Variants in ANO1 observed in about 807,000 individuals in gnomAD.
ANO1 encodes the protein anoctamin-1.
In ANO1, 59 loss-of-function variants were observed where a neutral mutation model predicts 124.0. The observed-to-expected ratio is 0.48, with a 90% CI of 0.39 to 0.59. ANO1 has a LOEUF of 0.59. Ranked by LOEUF, ANO1 falls within the 20% of genes least tolerant of loss-of-function variation. The probability of loss-of-function intolerance (pLI) is 0.00; values close to 1 mark genes in which losing one functional copy is unlikely to be tolerated. For synonymous variants in ANO1, 529 were observed against 532.0 expected (o/e 0.99, Z 0.08); for missense variants, 1,059 against 1,328.0 (o/e 0.80, Z 3.15).
At chr11:70,144,851 A>G (rs2135590674) in intron 11 of ANO1, among the ~76,000 whole-genome samples, 1 of 152,334 alleles carries the variant, frequency 6.6e-6, no homozygotes, top group East Asian at 1.9e-4. Flanking sequence ...CCCTTACTTG[A>G]TGAGTCCCCT....
intron 1 of ANO1, among the ~76,000 whole-genome samples, chr11:70,028,754 G>A (rs1350947066): frequency 3.3e-5 from 5 of 152,082 alleles, no homozygotes; most frequent in African/African-American, 4.8e-5. Context: ...AGGTGGGACC[G>A]CCTCTCTGTC....
intron 8 of ANO1, among the ~76,000 whole-genome samples, chr11:70,120,287 T>C (rs191946762): frequency 3.5e-4 from 54 of 152,176 alleles, no homozygotes; most frequent in Non-Finnish European, 6.8e-4. Context: ...TAGGAGTACT[T>C]GGGAGCCCCT....
At chr11:70,014,258 T>A (rs1353276630) in intron 1 of ANO1, among the ~76,000 whole-genome samples, 1 of 145,368 alleles carries the variant, frequency 6.9e-6, no homozygotes, top group Non-Finnish European at 1.5e-5. Flanking sequence ...AAGGAAAAGA[T>A]TGCAACCCCC....
intron 22 of ANO1, among the ~76,000 whole-genome samples, chr11:70,175,227 CTT>C (rs367625996): frequency 6.2e-4 from 94 of 152,390 alleles, no homozygotes; most frequent in Non-Finnish European, 1.1e-3. Flanking sequence ...TCTTTGGACT[CTT>C]TGCACCTGGC....
At chr11:70,111,108 T>G (rs1277962250) in intron 6 of ANO1, 1 of 456,454 alleles carries the variant, frequency 2.2e-6, no homozygotes, top group African/African-American at 2.0e-5. Flanking sequence ...ACCTCACTAA[T>G]AGCCAATGTA....
chr11:70,073,736 G>T (rs2044016825), upstream of ANO1, among the ~76,000 whole-genome samples: 1 of 152,114 alleles, frequency 6.6e-6, no homozygotes, highest in African/African-American at 2.4e-5. Context: ...GGGATTCTCA[G>T]AAGGCAGGCC....
At chr11:70,044,809 A>G (rs140701027) in intron 1 of ANO1, among the ~76,000 whole-genome samples, 1 of 152,200 alleles carries the variant, frequency 6.6e-6, no homozygotes, top group Non-Finnish European at 1.5e-5. Flanking sequence ...GTTCCGGATT[A>G]ACAGAGACTA....
rs2047800779 is a variant in ANO1 at position 70,156,006 on chromosome 11, G to A, written c.1503+18G>A. Reference sequence around the variant, plus strand: ...TGAAATTGGTACTTTTCTATTTTGCGGGCAGCGCGCGTCTTGACTGTTTGC... The same window carrying A: ...TGAAATTGGTACTTTTCTATTTTGCAGGCAGCGCGCGTCTTGACTGTTTGC... On this transcript the variant is annotated intron_variant, in intron 15 of 25. Coordinates refer to ENST00000355303, the MANE Select transcript of ANO1 (RefSeq NM_018043.7). The A allele has an allele frequency of 8.6e-6, 13 of 1,508,428 alleles. No individual in the cohort carries two copies. The highest frequency in any genetic ancestry group is 1.3e-5 in the South Asian group (1 of 78,872). The allele number at this position is 1,508,428 out of a possible 1,614,324, so 93.4% of individuals were successfully genotyped here.
At chr11:70,035,605 G>T (rs1857081078) in intron 1 of ANO1, among the ~76,000 whole-genome samples, 2 of 151,650 alleles carry the variant, frequency 1.3e-5, no homozygotes, top group South Asian at 4.2e-4. Flanking sequence ...GTGCATTGGT[G>T]GTTTGCTGCA....
At chr11:70,032,293 G>A (rs797033389) in intron 1 of ANO1, among the ~76,000 whole-genome samples, 2 of 152,252 alleles carry the variant, frequency 1.3e-5, no homozygotes, top group Admixed American at 1.3e-4. Context: ...CCCAGGGCTG[G>A]GAAGGGCCTG....
At chr11:70,128,440 T>C (rs111714611) in intron 10 of ANO1, among the ~76,000 whole-genome samples, 2,451 of 152,318 alleles carry the variant, frequency 0.016, 62 homozygotes, top group African/African-American at 0.053. Context: ...GACCTCCATC[T>C]TCCTTCCTTC....
At chr11:70,132,159 C>T (rs2509174) in intron 11 of ANO1, 80 bp downstream of exon 11, 300,909 of 1,461,968 alleles carry the variant, frequency 0.21, 32,284 homozygotes, top group Middle Eastern at 0.31. Context: ...TCTGTCTTTG[C>T]GAAATCATCC....
chr11:70,094,569 A>G (rs920426623), intron 2 of ANO1, among the ~76,000 whole-genome samples: 8 of 152,210 alleles, frequency 5.3e-5, no homozygotes, highest in African/African-American at 7.2e-5. Context: ...TACCAGAACC[A>G]TGAGTAGGTA....
intron 11 of ANO1, among the ~76,000 whole-genome samples, chr11:70,144,996 TACA>T (rs748226222): frequency 3.5e-4 from 54 of 152,276 alleles, no homozygotes; most frequent in Non-Finnish European, 5.9e-4. Flanking sequence ...CTGGGTATTA[TACA>T]ACATTTGTAT....
At chr11:70,027,577 G>C (rs1448568906) in intron 1 of ANO1, among the ~76,000 whole-genome samples, 1 of 152,178 alleles carries the variant, frequency 6.6e-6, no homozygotes, top group African/African-American at 2.4e-5. Context: ...ATGGAGGTGG[G>C]GACTCTGTTT....
chr11:70,063,194 T>C (rs1857634411), intron 1 of ANO1, among the ~76,000 whole-genome samples: 1 of 152,046 alleles, frequency 6.6e-6, no homozygotes, highest in South Asian at 2.1e-4. Flanking sequence ...GCTGGGATTA[T>C]AGGCGTGAGC....
At chr11:69,974,887 T>TAAA in the ANO1 span, among the ~76,000 whole-genome samples, 3 of 127,652 alleles carry the variant, frequency 2.4e-5, no homozygotes, top group Admixed American at 7.7e-5. Context: ...CCTCCGTCTC[T>TAAA]AAAAAAAAAA....
rs139082771 is a variant in ANO1 at position 70,016,678 on chromosome 11, C to T, written c.58+30512C>T. The stretch of plus-strand genomic sequence containing the variant: ...TGGCAGCCTCATTTGTCTTCCTGCA[C>T]AATCCCGCCAGGGACCTCAGGGTCT... On this transcript the variant is annotated intron_variant, in intron 1 of 27. Coordinates refer to the ANO1 transcript ENST00000531349. Among the ~76,000 whole-genome samples the T allele has an allele frequency of 1.5e-4, 23 of 152,358 alleles. No homozygotes were observed. The East Asian group carries it at 3.7e-3, about 24-fold the overall frequency.
intron 10 of ANO1, among the ~76,000 whole-genome samples, chr11:70,129,984 C>T (rs2046679554): frequency 6.6e-6 from 1 of 152,152 alleles, no homozygotes; most frequent in East Asian, 1.9e-4. Context: ...AACCAGAATG[C>T]CCATGATGCT....
Sources: gnomAD v4.1 joint callset for allele counts (sites outside exome capture counted in the v4.1 genomes callset) on GRCh38, gnomAD v4.1.1 for gene constraint, MANE v1.5 for transcripts, NCBI Gene and HGNC (gene_info 2026-07-23, HGNC 2026-07-21) for gene names.